Variants in IWS1 observed in about 807,000 individuals in gnomAD.
IWS1 encodes interacts with SUPT6H, CTD assembly factor 1.
In IWS1, 27 loss-of-function variants were observed where a neutral mutation model predicts 86.7. The observed-to-expected ratio is 0.31, with a 90% CI of 0.23 to 0.43. The LOEUF is 0.43. Ranked by LOEUF, IWS1 falls within the 20% of genes least tolerant of loss-of-function variation. The pLI is 1.00. For synonymous variants in IWS1, 313 were observed against 335.1 expected, an observed-to-expected ratio of 0.93 and a Z score of 0.72; for missense variants, 827 against 1,000.8, an observed-to-expected ratio of 0.83 and a Z score of 2.34.
rs116818815 is a variant in IWS1 at position 127,507,550 on chromosome 2, G to C, written c.151-1798C>G. On this transcript the variant is annotated intron_variant, in intron 2 of 13. Transcript: ENST00000295321. The stretch of plus-strand genomic sequence containing the variant: ...CACTTATCTATTAAAACGGTATTAG[G>C]ACTTGAGAGATATCATAGAATCTTA... Among the ~76,000 whole-genome samples, 1,183 of 152,270 alleles carry C rather than the reference G, an allele frequency of 7.8e-3. 19 individuals are homozygous for C. The highest frequency in any genetic ancestry group is 0.027 in the African/African-American group (1,129 of 41,540).
At chr2:127,520,389 G>A (rs551901139) in intron 2 of IWS1, among the ~76,000 whole-genome samples, 1 of 152,018 alleles carries the variant, frequency 6.6e-6, no homozygotes, top group Admixed American at 6.6e-5. Flanking sequence ...GGATGGTCTC[G>A]ATCTCTTGAC....
In IWS1 at chr2:127,505,808, T is replaced by C. The variant is rs188959673; in HGVS notation, c.151-56A>G. 9.0e-7 allele frequency: 1 copy of C among 1,116,384 alleles called. No homozygotes were observed. The highest frequency in any genetic ancestry group is 1.3e-6 in the Non-Finnish European group (1 of 792,680). The allele number at this position is 1,116,384 out of a possible 1,614,324, so 69.2% of individuals were successfully genotyped here. On this transcript the variant is annotated intron_variant, in intron 2 of 13. Coordinates refer to ENST00000295321, the MANE Select transcript of IWS1 (RefSeq NM_017969.3). The surrounding 1 kb of genome is among the most constrained non-coding windows in gnomAD (Gnocchi z 5.0). Reference sequence around the variant, plus strand: ...AGTGCAAAAAAAAAAAAACCATTAATAATAAAACATTAAATTTTTTCTGTG... The same window carrying C: ...AGTGCAAAAAAAAAAAAACCATTAACAATAAAACATTAAATTTTTTCTGTG...
chr2:127,501,735 T>C (rs1690827076), intron 5 of IWS1: 1 of 151,648 alleles, frequency 6.6e-6, no homozygotes, highest in Non-Finnish European at 1.5e-5. Flanking sequence ...CCATTTTTCT[T>C]TTCAAACAGG....
chr2:127,493,313 T>C lies in IWS1; in HGVS notation c.1897A>G (p.Ile633Val), dbSNP rs578234618. 6.2e-7 allele frequency: 1 copy of C among 1,613,514 alleles called. No homozygotes were observed. Among genetic ancestry groups the C allele is most frequent in the African/African-American group, 1.3e-5 (1 of 74,986 alleles). The change falls in exon 9 of 14, where the codon ATC becomes GTC. Residue 633 changes from isoleucine to valine, a missense_variant. This residue lies in a region of IWS1 where 279 missense variants were observed against 440.6 expected (regional missense o/e 0.63). Transcript: ENST00000295321. ...AGGATCTTCAGCAGCTCCTCCCGGA[T>C]CTTGAGTGCAGGCAAACTCCTATCT... ...LPDRSLPALK[I>V]REELLKILQE...
chr2:127,524,838 G>GA (rs1016948937), intron 1 of IWS1, among the ~76,000 whole-genome samples: 39 of 150,680 alleles, frequency 2.6e-4, no homozygotes, highest in African/African-American at 8.8e-4. Flanking sequence ...CAAATGAATG[G>GA]AAAAAAAACT....
intron 12 of IWS1, 135 bp from the exon 13 acceptor site, chr2:127,486,799 G>A (rs1192509886): frequency 8.8e-6 from 6 of 678,016 alleles, no homozygotes; most frequent in Non-Finnish European, 1.6e-5. Flanking sequence ...CCCACCAAAG[G>A]TCACCCAATC....
rs1691050791 is a variant in IWS1 at position 127,505,084 on chromosome 2, G to C, written c.819C>G (p.Ile273Met). The change falls in exon 3 of 14, where the codon ATC becomes ATG. Residue 273 changes from isoleucine (I) to methionine (M), a missense_variant. Physicochemically the swap from Ile to Met is conservative, Grantham distance 10. Coordinates refer to ENST00000295321, the MANE Select transcript of IWS1 (RefSeq NM_017969.3). This position sits in a 1 kb window ranked among gnomAD's most constrained non-coding sequence, Gnocchi z 5.0. ...GGGGATCCTCACTTTCCGAATCACT[G>C]ATTCGGGGTTTGGGAAGCTCTTCAT... is the stretch of plus-strand genomic sequence containing the variant. ...SENEELPKPR[I>M]SDSESEDPPR... 4 of 1,612,134 alleles carry C rather than the reference G, an allele frequency of 2.5e-6. No homozygotes were observed. The highest frequency in any genetic ancestry group is 3.4e-6 in the Non-Finnish European group (4 of 1,179,508).
rs11903267 is a variant in IWS1 at position 127,491,828 on chromosome 2, T to C, written c.2047+143A>G. Reference sequence around the variant, plus strand: ...AAGTCTAAGAGAAAATGCTAGTACCTGTAAGAAGTTATTCAAAAATTTCTA... The same window carrying C: ...AAGTCTAAGAGAAAATGCTAGTACCCGTAAGAAGTTATTCAAAAATTTCTA... On this transcript the variant is annotated intron_variant, in intron 10 of 13. Transcript: ENST00000295321. 18 of 620,156 alleles carry C rather than the reference T, an allele frequency of 2.9e-5. No individual in the cohort carries two copies. The African/African-American group carries it at 2.9e-4, about 10-fold the overall frequency. The allele number at this position is 620,156 out of a possible 1,614,324, so 38.4% of individuals were successfully genotyped here. A position where few individuals can be genotyped will look rare whatever the true frequency, so the allele number is the denominator to read the frequency against.
intron 12 of IWS1, chr2:127,488,242 T>C (rs1335204610): frequency 3.3e-5 from 5 of 152,252 alleles, no homozygotes; most frequent in South Asian, 2.1e-4. Flanking sequence ...GATTGAACAA[T>C]CTTTTCTATG....
intron 1 of IWS1, among the ~76,000 whole-genome samples, chr2:127,525,343 G>A (rs1363059111): frequency 6.6e-6 from 1 of 152,196 alleles, no homozygotes; most frequent in East Asian, 1.9e-4. Flanking sequence ...GAAAAGCAAT[G>A]AACTCAAAAC....
At chr2:127,519,572 G>GTAA (rs950521031) in intron 2 of IWS1, among the ~76,000 whole-genome samples, 9 of 133,368 alleles carry the variant, frequency 6.7e-5, no homozygotes, top group Non-Finnish European at 1.2e-4. Context: ...TACAGATGAG[G>GTAA]GGTTTAAAAA....
At chr2:127,484,222 G>C (rs1234873732) in intron 13 of IWS1, among the ~76,000 whole-genome samples, 1 of 152,212 alleles carries the variant, frequency 6.6e-6, no homozygotes, top group Non-Finnish European at 1.5e-5. Flanking sequence ...TGAGGCGGGA[G>C]AATGGTGTGA....
chr2:127,509,169 G>C (rs554768182), intron 2 of IWS1, among the ~76,000 whole-genome samples: 1 of 152,158 alleles, frequency 6.6e-6, no homozygotes, highest in African/African-American at 2.4e-5. Context: ...GGACGAGTAT[G>C]CTGGAAATTA....
rs148720613 is a variant in IWS1 at position 127,509,490 on chromosome 2, C to T, written c.151-3738G>A. Among the ~76,000 whole-genome samples the T allele has an allele frequency of 2.8e-4, 42 of 152,100 alleles. No homozygotes were observed. In the East Asian group the frequency reaches 7.7e-3, roughly 28 times the overall value. ...TTGGGAGGCCGAGGTGGGCAGATCACGAGGTCAGGAGATTGAGACCATCCT... is the reference window on the plus strand; with the variant it reads ...TTGGGAGGCCGAGGTGGGCAGATCATGAGGTCAGGAGATTGAGACCATCCT... On this transcript the variant is annotated intron_variant, in intron 2 of 13. Coordinates refer to ENST00000295321, the MANE Select transcript of IWS1 (RefSeq NM_017969.3).
intron 7 of IWS1, among the ~76,000 whole-genome samples, chr2:127,495,369 A>T (rs1444792683): frequency 6.6e-6 from 1 of 152,158 alleles, no homozygotes; most frequent in African/African-American, 2.4e-5. Context: ...AGTTTTTTCT[A>T]TTTTTTTAAA....
intron 13 of IWS1, among the ~76,000 whole-genome samples, chr2:127,485,117 G>C (rs907561990): frequency 6.6e-6 from 1 of 151,744 alleles, no homozygotes; most frequent in Non-Finnish European, 1.5e-5. Flanking sequence ...GGGAGAGAGA[G>C]AGGAGGAAGT....
intron 1 of IWS1, among the ~76,000 whole-genome samples, chr2:127,525,015 C>G (rs1172515385): frequency 6.6e-6 from 1 of 151,590 alleles, no homozygotes; most frequent in African/African-American, 2.4e-5. Flanking sequence ...CCCACTTCAG[C>G]CTCCTGAGTA....
At chr2:127,487,173 A>G (rs1041184734) in intron 12 of IWS1, among the ~76,000 whole-genome samples, 1 of 152,232 alleles carries the variant, frequency 6.6e-6, no homozygotes, top group African/African-American at 2.4e-5. Context: ...AGATAATTAC[A>G]GATTCAAATG....
At chr2:127,526,068 G>A in intron 1 of IWS1, 107 bp downstream of exon 1, 6 of 1,095,944 alleles carry the variant, frequency 5.5e-6, no homozygotes, top group South Asian at 1.5e-5. Flanking sequence ...GGTCGCGGGA[G>A]GGAAGGTTTC....
Sources: allele counts gnomAD v4.1 joint callset (sites outside exome capture counted in the v4.1 genomes callset), GRCh38; gene constraint gnomAD v4.1.1; regional missense constraint gnomAD v4.1.1; non-coding constraint Gnocchi (gnomAD v3.1); transcripts MANE v1.5; gene names NCBI Gene and HGNC (gene_info 2026-07-23, HGNC 2026-07-21).